LYRM4: variants seen among roughly 807,000 people sequenced by gnomAD.
LYRM4 encodes the protein LYR motif containing 4.
In LYRM4, 9 loss-of-function variants were observed where a neutral mutation model predicts 11.7. The ratio of observed to expected loss-of-function variants is 0.77; its 90% CI spans 0.46 to 1.34. LYRM4 has a LOEUF of 1.34. Among genes scored for constraint, LYRM4 ranks in the 40% most tolerant of loss-of-function variants. The pLI, the probability that LYRM4 is intolerant of heterozygous loss-of-function variation, is 0.00. For missense variants in LYRM4, 133 were observed against 112.5 expected (o/e 1.18, Z -0.82); for synonymous variants, 42 against 40.4 (o/e 1.04, Z -0.15).
chr6:5,134,738 C>G (rs1756978610), intron 2 of LYRM4, among the ~76,000 whole-genome samples: 1 of 152,216 alleles, frequency 6.6e-6, no homozygotes, highest in Non-Finnish European at 1.5e-5. Flanking sequence ...ATTCTACATA[C>G]TTTTGTATAT....
intron 2 of LYRM4, among the ~76,000 whole-genome samples, chr6:5,163,197 G>A (rs1758870389): frequency 6.6e-6 from 1 of 152,052 alleles, no homozygotes. Context: ...ACACTTCATT[G>A]TTTCACCATT....
the LYRM4 span, chr6:5,086,543 G>A: frequency 1.7e-5 from 26 of 1,528,068 alleles, no homozygotes; most frequent in East Asian, 2.9e-4. Flanking sequence ...CGCTACGCGC[G>A]CCCTGCGGAC....
the LYRM4 span, among the ~76,000 whole-genome samples, chr6:5,071,532 T>TTA: frequency 0.26 from 39,679 of 150,788 alleles, 5,313 homozygotes; most frequent in Middle Eastern, 0.32. Context: ...ATGATAAACT[T>TTA]TATATATATA....
chr6:5,169,256 C>T (rs1759277581), intron 2 of LYRM4, among the ~76,000 whole-genome samples: 1 of 152,114 alleles, frequency 6.6e-6, no homozygotes, highest in South Asian at 2.1e-4. Flanking sequence ...GAACACCAAA[C>T]CTTATCACTT....
the LYRM4 span, chr6:5,066,812 G>T: frequency 1.3e-6 from 1 of 761,526 alleles, no homozygotes; most frequent in Non-Finnish European, 2.3e-6. Context: ...GTGAGTTCCT[G>T]AAATCCGGAT....
intron 2 of LYRM4, among the ~76,000 whole-genome samples, chr6:5,126,935 T>G (rs780173441): frequency 5.9e-5 from 9 of 152,164 alleles, no homozygotes; most frequent in Non-Finnish European, 1.0e-4. Context: ...CTGAATATAC[T>G]AAAAGCCAGT....
Position 5,197,942 on chromosome 6 carries a change from G to A in LYRM4, c.207+18676C>T, listed in dbSNP as rs535032118. On this transcript the variant is annotated intron_variant, in intron 2 of 2. Coordinates refer to ENST00000330636, the MANE Select transcript of LYRM4 (RefSeq NM_020408.6). ...ATCCAGCACTTTGGGAGGCTGAGGT[G>A]GGCGGATCACCTGAGGTCAGGAGTG... 1.3e-3 allele frequency among the ~76,000 whole-genome samples: 192 copies of A among 152,210 alleles called. 1 individual carries two copies. The highest frequency in any genetic ancestry group is 4.3e-3 in the African/African-American group (179 of 41,560).
chr6:5,091,875 T>C, the LYRM4 span, among the ~76,000 whole-genome samples: 1 of 151,810 alleles, frequency 6.6e-6, no homozygotes. Context: ...TTATAAGACA[T>C]TTAAGGAAAT....
At chr6:5,222,207 A>C (rs866287051) in intron 1 of LYRM4, among the ~76,000 whole-genome samples, 4 of 152,244 alleles carry the variant, frequency 2.6e-5, no homozygotes, top group South Asian at 2.1e-4. Context: ...GATATTCAAT[A>C]CATGTTTAAT....
chr6:5,123,510 C>G (rs1243676956), intron 2 of LYRM4, among the ~76,000 whole-genome samples: 1 of 152,210 alleles, frequency 6.6e-6, no homozygotes, highest in African/African-American at 2.4e-5. Flanking sequence ...GGAAGGGGAC[C>G]CTTGGCCGGG....
chr6:5,169,129 A>G (rs796881124), intron 2 of LYRM4, among the ~76,000 whole-genome samples: 5 of 152,174 alleles, frequency 3.3e-5, no homozygotes, highest in African/African-American at 7.2e-5. Flanking sequence ...AGTTCTCACT[A>G]TGCTACCCAG....
Position 5,260,652 on chromosome 6 carries a change from A to G in LYRM4, c.82T>C (p.Tyr28His). The change falls in exon 1 of 3, where the codon TAC (tyrosine) becomes CAC (histidine). Residue 28 changes from tyrosine (Y) to histidine (H), a missense_variant. Tyr to His is a moderately conservative substitution (Grantham distance 83). Transcript: ENST00000330636. ...CCCCGGTGCCCGCTGGGTCACCTGTAATTGTAGGCGCTGAAACGCTTGCTC... is the reference window on the plus strand; with the variant it reads ...CCCCGGTGCCCGCTGGGTCACCTGTGATTGTAGGCGCTGAAACGCTTGCTC... The part of the protein sequence containing the change: ...RESKRFSAYN[Y>H]RTYAVRRIRD... 1 of 1,446,308 alleles carries G rather than the reference A, an allele frequency of 6.9e-7. No individual in the cohort carries two copies. The highest frequency in any genetic ancestry group is 3.0e-5 in the East Asian group (1 of 33,612). The allele number at this position is 1,446,308 out of a possible 1,614,324, so 89.6% of individuals were successfully genotyped here. A position where few individuals can be genotyped will look rare whatever the true frequency, so the allele number is the denominator to read the frequency against.
chr6:5,094,217 C>T, the LYRM4 span, among the ~76,000 whole-genome samples: 1 of 152,212 alleles, frequency 6.6e-6, no homozygotes, highest in African/African-American at 2.4e-5. Context: ...TGCAGTGGCT[C>T]ATGCCTGTAA....
At chr6:5,116,174 A>C (rs1055636511) in intron 2 of LYRM4, among the ~76,000 whole-genome samples, 2 of 152,238 alleles carry the variant, frequency 1.3e-5, no homozygotes, top group African/African-American at 4.8e-5. Context: ...GGTAAGCCAC[A>C]AGTGGAAATA....
At chr6:5,253,690 A>G (rs1231864636) in intron 1 of LYRM4, among the ~76,000 whole-genome samples, 1 of 152,144 alleles carries the variant, frequency 6.6e-6, no homozygotes, top group Non-Finnish European at 1.5e-5. Context: ...GTCACCGACC[A>G]ATTGAGAGCA....
At chr6:5,165,979 G>A (rs966510141) in intron 2 of LYRM4, among the ~76,000 whole-genome samples, 1 of 152,076 alleles carries the variant, frequency 6.6e-6, no homozygotes, top group Non-Finnish European at 1.5e-5. Context: ...TTAAGCAAAC[G>A]AGTATACTGA....
chr6:5,051,822 A>G, the LYRM4 span, among the ~76,000 whole-genome samples: 1 of 152,178 alleles, frequency 6.6e-6, no homozygotes, highest in African/African-American at 2.4e-5. Flanking sequence ...GCTTCCACTC[A>G]TGGCAGAAGG....
chr6:5,199,239 T>C (rs1761244094), intron 2 of LYRM4, among the ~76,000 whole-genome samples: 1 of 152,154 alleles, frequency 6.6e-6, no homozygotes, highest in Non-Finnish European at 1.5e-5. Context: ...AAGGAAGTAC[T>C]CTCTTATGCT....
At chr6:5,260,530 C>T in intron 1 of LYRM4, 118 bp downstream of exon 1, 2 of 1,382,012 alleles carry the variant, frequency 1.4e-6, no homozygotes, top group South Asian at 1.3e-5. Context: ...GTCCTTGCCT[C>T]GCAGCCGCCG....
Sources: allele counts gnomAD v4.1 joint callset (sites outside exome capture counted in the v4.1 genomes callset), GRCh38; gene constraint gnomAD v4.1.1; transcripts MANE v1.5; gene names NCBI Gene and HGNC (gene_info 2026-07-23, HGNC 2026-07-21).